The following SAMD11 variants were observed in gnomAD, a reference collection of about 807,000 sequenced individuals.
SAMD11 encodes the protein sterile alpha motif domain containing 11.
A neutral mutation model predicts 64.4 loss-of-function variants in SAMD11; 77 were observed. The observed-to-expected ratio is 1.20, with a 90% CI of 0.99 to 1.44. The LOEUF (loss-of-function observed/expected upper bound fraction) is 1.44, where lower values mean the gene tolerates loss of function less well. Ranked by LOEUF, SAMD11 falls within the 40% of genes most tolerant of loss-of-function variation. The probability of loss-of-function intolerance (pLI) is 0.00; values close to 1 mark genes in which losing one functional copy is unlikely to be tolerated. For missense variants in SAMD11, 1,402 were observed against 943.3 expected, an observed-to-expected ratio of 1.49 and a Z score of -6.37; for synonymous variants, 658 against 421.9, an observed-to-expected ratio of 1.56 and a Z score of -6.86.
chr1:943,016 C>T lies in SAMD11; in HGVS notation c.2011C>T (p.Pro671Ser), dbSNP rs763768729. The part of the protein sequence containing the change: ...GKGLFPGSTL[P>S]LGFPYAVSPY... Reference sequence around the variant, plus strand: ...GGGGCTTTTCCCAGGGTCCACACTGCCCCTGGGCTTCCCTTATGCCGTCAG... The same window carrying T: ...GGGGCTTTTCCCAGGGTCCACACTGTCCCTGGGCTTCCCTTATGCCGTCAG... The change falls in exon 11 of 14, where the codon CCC becomes TCC. Residue 671 changes from proline (P) to serine (S), a missense_variant. Physicochemically the swap from Pro to Ser is moderately conservative, Grantham distance 74 (BLOSUM62 -1). Coordinates refer to ENST00000616016, the MANE Select transcript of SAMD11 (RefSeq NM_001385641.1). 7 of 1,534,228 alleles carry T rather than the reference C, an allele frequency of 4.6e-6. No homozygotes were observed. Among genetic ancestry groups the T allele is most frequent in the Non-Finnish European group, 5.2e-6 (6 of 1,143,692 alleles).
In SAMD11 at chr1:930,916, A is replaced by T; in HGVS notation, c.792-123A>T. On this transcript the variant is annotated intron_variant, in intron 3 of 13. Transcript: ENST00000616016. ...CTGGGCATGGCAGCCGCCCTCGTTCACTGCCCAGGGCTGTGGCCCAGCGGG... is the reference window on the plus strand; with the variant it reads ...CTGGGCATGGCAGCCGCCCTCGTTCTCTGCCCAGGGCTGTGGCCCAGCGGG... The T allele has an allele frequency of 8.5e-6, 8 of 940,298 alleles. No homozygotes were observed. In the South Asian group the frequency reaches 1.2e-4, roughly 14 times the overall value. 58.2% of individuals were successfully genotyped at this position (940,298 alleles called of 1,614,324 possible).
intron 3 of SAMD11, 77 bp downstream of exon 3, chr1:930,413 G>A (rs750176755): frequency 4.2e-5 from 61 of 1,447,518 alleles, no homozygotes; most frequent in Non-Finnish European, 5.5e-5. Context: ...CTGCTCAGAT[G>A]AGAGTGTCCA....
chr1:932,129 T>C (rs980600324), intron 4 of SAMD11, among the ~76,000 whole-genome samples: 1 of 152,220 alleles, frequency 6.6e-6, no homozygotes, highest in Admixed American at 6.5e-5. Context: ...TTCTACCTCA[T>C]TTTGGGGTTG....
At chr1:936,424 G>T (rs533551753) in intron 5 of SAMD11, among the ~76,000 whole-genome samples, 12 of 138,936 alleles carry the variant, frequency 8.6e-5, no homozygotes, top group Non-Finnish European at 1.6e-4. Flanking sequence ...GACGGAGGGG[G>T]TCCCCGGTCG....
In SAMD11 at chr1:944,200, CA is replaced by C; in HGVS notation, c.*48del. 1.3e-6 allele frequency: 2 copies of C among 1,498,796 alleles called. No homozygotes were observed. The highest frequency in any genetic ancestry group is 1.8e-6 in the Non-Finnish European group (2 of 1,124,742). The allele number at this position is 1,498,796 out of a possible 1,614,324, so 92.8% of individuals were successfully genotyped here. A position where few individuals can be genotyped will look rare whatever the true frequency, so the allele number is the denominator to read the frequency against. On this transcript the variant is annotated 3_prime_UTR_variant, in exon 14 of 14. Transcript: ENST00000616016. ...GGCCACACAAATCTCCAGGAGCCAC[CA>C]CTCAACACAATGGCCCTGCCTCCCA...
At chr1:935,154 A>G (rs1451257902) in intron 4 of SAMD11, among the ~76,000 whole-genome samples, 1 of 152,088 alleles carries the variant, frequency 6.6e-6, no homozygotes, top group African/African-American at 2.4e-5. Flanking sequence ...TGAGGGAAGA[A>G]AAGAGTTAAA....
intron 2 of SAMD11, 83 bp downstream of exon 2, chr1:926,096 G>A (rs1640871718): frequency 1.5e-5 from 20 of 1,358,738 alleles, no homozygotes; most frequent in Non-Finnish European, 1.9e-5. Context: ...TTTCAGGATC[G>A]AGAGTCCTAA....
rs139858754 is a variant in SAMD11 at position 926,348 on chromosome 1, C to T, written c.609+335C>T. 1.1e-3 allele frequency among the ~76,000 whole-genome samples: 167 copies of T among 152,356 alleles called. 1 individual carries two copies. In the East Asian group the frequency reaches 0.021, roughly 19 times the overall value. On this transcript the variant is annotated intron_variant, in intron 2 of 13. Coordinates refer to ENST00000616016, the MANE Select transcript of SAMD11 (RefSeq NM_001385641.1). Reference sequence around the variant, plus strand: ...CTGGGAGGAGTAATTCAACGTGGGCCTGGCACTGTGCCCTGTCACCGCTTG... The same window carrying T: ...CTGGGAGGAGTAATTCAACGTGGGCTTGGCACTGTGCCCTGTCACCGCTTG...
chr1:942,151 G>T lies in SAMD11; in HGVS notation c.1374G>T (p.Pro458=). 1.5e-6 allele frequency: 2 copies of T among 1,372,054 alleles called. No individual in the cohort carries two copies. Among genetic ancestry groups the T allele is most frequent in the Non-Finnish European group, 1.9e-6 (2 of 1,031,082 alleles). 85.0% of individuals were successfully genotyped at this position (1,372,054 alleles called of 1,614,324 possible). Residue 458 remains proline (P), a synonymous_variant, in exon 9 of 14, where the codon CCG becomes CCT. Coordinates refer to ENST00000616016, the MANE Select transcript of SAMD11 (RefSeq NM_001385641.1). ...PSFSERELPQ[P]PPLLSPQNAP... ...CCGTCCACAGGGAGCTGCCTCAGCC[G>T]CCCCCCTTGCTGTCGCCGCAGAATG...
chr1:931,360 G>A (rs1242886514), intron 4 of SAMD11, among the ~76,000 whole-genome samples: 3 of 152,182 alleles, frequency 2.0e-5, no homozygotes, highest in Admixed American at 6.5e-5. Context: ...TGGGCAGCCC[G>A]GCCCTGGAGT....
rs1431794145 is a variant in SAMD11, at chr1:941,286, C to T, written c.1338C>T (p.Ala446=). ...ACCGGGAGGGCGCCGCCCCAGCTGCCGCCCCGTCCTTCTCGGAGAGGTACT... is the reference window on the plus strand; with the variant it reads ...ACCGGGAGGGCGCCGCCCCAGCTGCTGCCCCGTCCTTCTCGGAGAGGTACT... ...AQHREGAAPA[A]APSFSERELP... The change falls in exon 8 of 14, where the codon GCC becomes GCT. Residue 446 remains alanine (A), a synonymous_variant. Coordinates refer to ENST00000616016, the MANE Select transcript of SAMD11 (RefSeq NM_001385641.1). 3 of 1,592,070 alleles carry T rather than the reference C, an allele frequency of 1.9e-6. No individual in the cohort carries two copies. Among genetic ancestry groups the T allele is most frequent in the African/African-American group, 1.3e-5 (1 of 74,566 alleles).
At position 925,948 on chromosome 1, in the gene SAMD11, A is replaced by C. The variant is rs1443768057; in HGVS notation, c.544A>C (p.Lys182Gln). Residue 182 changes from lysine to glutamine, a missense_variant, in exon 2 of 14, where the codon AAG becomes CAG. Lys to Gln is a moderately conservative substitution (Grantham distance 53). Coordinates refer to ENST00000616016, the MANE Select transcript of SAMD11 (RefSeq NM_001385641.1). ...GAAAAGTCTGAAGACGCTTATGTCC[A>C]AGGGGATCCTGCAGGTGCATCCTCC... ...KGKSLKTLMS[K>Q]GILQVHPPIC... 47 of 1,611,856 alleles carry C rather than the reference A, an allele frequency of 2.9e-5. No homozygotes were observed. Among genetic ancestry groups the C allele is most frequent in the Non-Finnish European group, 3.9e-5 (46 of 1,179,892 alleles).
chr1:929,507 G>A (rs555399605), intron 2 of SAMD11, among the ~76,000 whole-genome samples: 3 of 152,372 alleles, frequency 2.0e-5, no homozygotes, highest in East Asian at 3.9e-4. Context: ...GCCGGGCTGT[G>A]CGTGGCGCTG....
intron 8 of SAMD11, 132 bp from the exon 9 acceptor site, chr1:942,004 C>T (rs938348048): frequency 1.2e-4 from 50 of 404,880 alleles, no homozygotes; most frequent in Non-Finnish European, 2.1e-4. Flanking sequence ...GGCGCGCGAC[C>T]TGGGGCCGTA....
chr1:933,850 G>C (rs1641282587), intron 4 of SAMD11, among the ~76,000 whole-genome samples: 1 of 150,498 alleles, frequency 6.6e-6, no homozygotes, highest in Admixed American at 6.5e-5. Context: ...TGCTGAAACG[G>C]ATCTGCTTAG....
chr1:937,737 C>T (rs948192498), intron 5 of SAMD11, among the ~76,000 whole-genome samples: 1 of 152,176 alleles, frequency 6.6e-6, no homozygotes, highest in African/African-American at 2.4e-5. Flanking sequence ...GATCTGTCAC[C>T]GAGGTGGGGA....
At chr1:929,360 C>T (rs1220834207) in intron 2 of SAMD11, among the ~76,000 whole-genome samples, 1 of 152,182 alleles carries the variant, frequency 6.6e-6, no homozygotes, top group East Asian at 1.9e-4. Context: ...AAATGCGGGG[C>T]AGGGTTTGCG....
intron 4 of SAMD11, 142 bp downstream of exon 4, chr1:931,231 G>A: frequency 1.2e-6 from 1 of 823,758 alleles, no homozygotes. Context: ...TGCCAGGTTT[G>A]ACATGTGCTG....
At chr1:937,924 A>T (rs1641545385) in intron 5 of SAMD11, among the ~76,000 whole-genome samples, 1 of 152,244 alleles carries the variant, frequency 6.6e-6, no homozygotes, top group South Asian at 2.1e-4. Flanking sequence ...AGAAAAAGGA[A>T]TTAGGCCTGG....
Sources: allele counts gnomAD v4.1 joint callset (sites outside exome capture counted in the v4.1 genomes callset), GRCh38; gene constraint gnomAD v4.1.1; transcripts MANE v1.5; gene names NCBI Gene and HGNC (gene_info 2026-07-23, HGNC 2026-07-21).